LMX1B: variants seen among roughly 807,000 people sequenced by gnomAD.
The protein encoded by LMX1B is LIM homeobox transcription factor 1 beta.
LMX1B carries 12 observed loss-of-function variants against 51.4 expected under a neutral mutation model. The observed-to-expected ratio is 0.23, with a 90% CI of 0.15 to 0.38. LMX1B has a LOEUF of 0.38. LMX1B is among the 10% of genes least tolerant of loss of function. The probability of loss-of-function intolerance (pLI) is 1.00; values close to 1 mark genes in which losing one functional copy is unlikely to be tolerated. For synonymous variants in LMX1B, 237 were observed against 235.4 expected (o/e 1.01, Z -0.06); for missense variants, 445 against 571.1 (o/e 0.78, Z 2.25).
At chr9:126,614,857 G>A (rs1835271513) in intron 1 of LMX1B, among the ~76,000 whole-genome samples, 1 of 152,130 alleles carries the variant, frequency 6.6e-6, no homozygotes, top group South Asian at 2.1e-4. Context: ...GGTAGGTGGC[G>A]GGTGGCAGGG....
chr9:126,660,677 TC>T (rs1836227440), intron 2 of LMX1B, among the ~76,000 whole-genome samples: 1 of 152,178 alleles, frequency 6.6e-6, no homozygotes, highest in Non-Finnish European at 1.5e-5. Flanking sequence ...GAGCTTGGAA[TC>T]CATGTGAGGG....
intron 2 of LMX1B, among the ~76,000 whole-genome samples, chr9:126,678,181 G>A (rs756779432): frequency 3.9e-5 from 6 of 151,936 alleles, no homozygotes; most frequent in East Asian, 1.9e-4. Context: ...GTGGTGGCCC[G>A]CGCCTGTAAT....
At chr9:126,623,653 G>A (rs938804220) in intron 2 of LMX1B, among the ~76,000 whole-genome samples, 2 of 152,172 alleles carry the variant, frequency 1.3e-5, no homozygotes, top group Non-Finnish European at 2.9e-5. Context: ...TCCGGAAGGT[G>A]CGGGCTCTAC....
chr9:126,694,892 G>C (rs1178272416), intron 6 of LMX1B, among the ~76,000 whole-genome samples: 2 of 152,164 alleles, frequency 1.3e-5, no homozygotes, highest in East Asian at 3.9e-4. Context: ...AGTCCCCCCA[G>C]CTCATCCCAA....
intron 3 of LMX1B, among the ~76,000 whole-genome samples, chr9:126,692,619 TGAGTGTGCATCTTAC>T (rs1416754637): frequency 6.6e-6 from 1 of 152,216 alleles, no homozygotes; most frequent in African/African-American, 2.4e-5. Flanking sequence ...TGGCAGCAGG[TGAGTGTGCATCTTAC>T]GAGTGTGTGC....
At chr9:126,660,878 A>C (rs1362526180) in intron 2 of LMX1B, among the ~76,000 whole-genome samples, 2 of 152,328 alleles carry the variant, frequency 1.3e-5, no homozygotes, top group Non-Finnish European at 2.9e-5. Context: ...ATGATGAAAC[A>C]GGCAGTGACA....
chr9:126,653,932 T>C (rs1443723851), intron 2 of LMX1B, among the ~76,000 whole-genome samples: 1 of 152,146 alleles, frequency 6.6e-6, no homozygotes, highest in East Asian at 1.9e-4. Flanking sequence ...ACATTCACTC[T>C]ATTAATCATT....
chr9:126,693,628 G>T, intron 5 of LMX1B, 27 bp downstream of exon 5: 1 of 1,613,218 alleles, frequency 6.2e-7, no homozygotes, highest in South Asian at 1.1e-5. Context: ...CATCCCCACT[G>T]GCCCCGGGTA....
At chr9:126,637,477 G>T (rs1439919666) in intron 2 of LMX1B, among the ~76,000 whole-genome samples, 1 of 152,024 alleles carries the variant, frequency 6.6e-6, no homozygotes, top group African/African-American at 2.4e-5. Context: ...TGTGTGTGGG[G>T]GTGGGGGGTT....
chr9:126,630,028 C>T (rs1835604827), intron 2 of LMX1B, among the ~76,000 whole-genome samples: 1 of 151,938 alleles, frequency 6.6e-6, no homozygotes, highest in Non-Finnish European at 1.5e-5. Flanking sequence ...CACCTGTGAC[C>T]TACTCGGGAG....
intron 2 of LMX1B, among the ~76,000 whole-genome samples, chr9:126,616,908 C>T (rs1490585953): frequency 1.3e-5 from 2 of 152,206 alleles, no homozygotes; most frequent in East Asian, 3.9e-4. Context: ...CTAGCTCTTT[C>T]TTCCGGCTGA....
intron 2 of LMX1B, among the ~76,000 whole-genome samples, chr9:126,688,085 C>A (rs556281875): frequency 2.0e-5 from 3 of 152,274 alleles, no homozygotes; most frequent in Non-Finnish European, 4.4e-5. Flanking sequence ...TTATAAAGTG[C>A]GCGCAGTTTG....
At chr9:126,633,508 A>G (rs1835665323) in intron 2 of LMX1B, among the ~76,000 whole-genome samples, 1 of 152,174 alleles carries the variant, frequency 6.6e-6, no homozygotes, top group African/African-American at 2.4e-5. Flanking sequence ...GACAACTGGG[A>G]GGACACCTGG....
At chr9:126,667,074 C>T (rs1836354063) in intron 2 of LMX1B, among the ~76,000 whole-genome samples, 2 of 152,184 alleles carry the variant, frequency 1.3e-5, no homozygotes, top group Non-Finnish European at 2.9e-5. Flanking sequence ...AGAAGTCAAA[C>T]AAAATGGGAC....
intron 2 of LMX1B, among the ~76,000 whole-genome samples, chr9:126,676,287 C>T (rs991354388): frequency 3.3e-5 from 5 of 152,204 alleles, no homozygotes; most frequent in East Asian, 3.9e-4. Flanking sequence ...CTCCTCTCCC[C>T]GTCTCAGCCC....
At chr9:126,643,991 A>T (rs1019154178) in intron 2 of LMX1B, among the ~76,000 whole-genome samples, 6 of 152,198 alleles carry the variant, frequency 3.9e-5, no homozygotes, top group African/African-American at 1.4e-4. Flanking sequence ...GCAGAACTAG[A>T]AACAGGTCTG....
intron 2 of LMX1B, among the ~76,000 whole-genome samples, chr9:126,652,820 C>T (rs1424862716): frequency 6.6e-6 from 1 of 152,190 alleles, no homozygotes; most frequent in African/African-American, 2.4e-5. Context: ...TGTGACATCA[C>T]AGTTCACTTG....
intron 2 of LMX1B, among the ~76,000 whole-genome samples, chr9:126,635,216 C>T (rs997003795): frequency 3.3e-5 from 5 of 152,208 alleles, no homozygotes; most frequent in Admixed American, 3.3e-4. Flanking sequence ...TCACCCTTCC[C>T]CCAGCCCTCC....
intron 2 of LMX1B, among the ~76,000 whole-genome samples, chr9:126,653,070 GC>G (rs1408775461): frequency 6.7e-6 from 1 of 149,096 alleles, no homozygotes; most frequent in Non-Finnish European, 1.5e-5. Flanking sequence ...AGCTGATTTA[GC>G]TTAAAACACA....
Sources: allele counts gnomAD v4.1 joint callset (sites outside exome capture counted in the v4.1 genomes callset), GRCh38; gene constraint gnomAD v4.1.1; transcripts MANE v1.5; gene names NCBI Gene and HGNC (gene_info 2026-07-23, HGNC 2026-07-21).